The following LPXN variants were observed in gnomAD, a reference collection of about 807,000 sequenced individuals.
The protein encoded by LPXN is leupaxin.
A neutral mutation model predicts 45.6 loss-of-function variants in LPXN; 28 were observed. That is an observed-to-expected ratio of 0.61 (90% CI 0.45 to 0.84). The LOEUF (loss-of-function observed/expected upper bound fraction) is 0.84, where lower values mean the gene tolerates loss of function less well. LPXN is among the 40% of genes least tolerant of loss of function. The pLI is 0.00. For missense variants in LPXN, 459 were observed against 475.0 expected, an observed-to-expected ratio of 0.97 and a Z score of 0.31; for synonymous variants, 166 against 169.9, an observed-to-expected ratio of 0.98 and a Z score of 0.18.
upstream of LPXN, among the ~76,000 whole-genome samples, chr11:58,578,761 G>A (rs932075167): frequency 5.3e-5 from 8 of 152,048 alleles, no homozygotes; most frequent in African/African-American, 1.9e-4. Context: ...GTGAGGCGGG[G>A]AAAGAGGTGC....
At chr11:58,532,652 T>C (rs1020413221) in intron 7 of LPXN, among the ~76,000 whole-genome samples, 1 of 152,118 alleles carries the variant, frequency 6.6e-6, no homozygotes, top group Admixed American at 6.5e-5. Flanking sequence ...AGCTCAGGGA[T>C]TGTAAATGCA....
intron 4 of LPXN, among the ~76,000 whole-genome samples, chr11:58,552,608 G>C (rs1424147267): frequency 6.6e-6 from 1 of 152,158 alleles, no homozygotes; most frequent in Non-Finnish European, 1.5e-5. Context: ...ATCTGTTACT[G>C]TCTGCCTTAA....
chr11:58,558,719 A>G (rs867220116), intron 3 of LPXN, among the ~76,000 whole-genome samples: 3 of 152,002 alleles, frequency 2.0e-5, no homozygotes, highest in Admixed American at 6.6e-5. Flanking sequence ...CTCAAAGAAT[A>G]ACAACCTATT....
chr11:58,561,798 T>C (rs1854386221), intron 3 of LPXN, among the ~76,000 whole-genome samples: 2 of 152,198 alleles, frequency 1.3e-5, no homozygotes, highest in African/African-American at 2.4e-5. Context: ...GAAAGGGAAA[T>C]AGATCATTGT....
intron 4 of LPXN, among the ~76,000 whole-genome samples, chr11:58,553,257 AC>A (rs1318282110): frequency 1.3e-5 from 2 of 148,496 alleles, no homozygotes; most frequent in African/African-American, 5.0e-5. Flanking sequence ...AATCGCTTGA[AC>A]CCAGGAGGTG....
At chr11:58,534,886 A>T (rs1240504251) in intron 7 of LPXN, among the ~76,000 whole-genome samples, 1 of 152,240 alleles carries the variant, frequency 6.6e-6, no homozygotes, top group Non-Finnish European at 1.5e-5. Flanking sequence ...AGAATACTGT[A>T]AACACCTCTA....
chr11:58,533,958 C>CAACAGGAAG lies in LPXN; in HGVS notation c.743-5776_743-5768dup, dbSNP rs546968526. The stretch of plus-strand genomic sequence containing the variant: ...TTACATAATGGTAAAGGGATTAATG[C>CAACAGGAAG]AACAGGAAGAACTAACTATCCTAAT... On this transcript the variant is annotated intron_variant, in intron 7 of 8. Transcript: ENST00000395074. Among the ~76,000 whole-genome samples, 52 of 152,194 alleles carry CAACAGGAAG rather than the reference C, an allele frequency of 3.4e-4. No homozygotes were observed. In the East Asian group the frequency reaches 9.8e-3, roughly 29 times the overall value.
intron 2 of LPXN, 73 bp downstream of exon 2, chr11:58,570,483 T>C (rs1046874895): frequency 4.5e-6 from 5 of 1,119,696 alleles, no homozygotes; most frequent in Non-Finnish European, 6.5e-6. Context: ...TATTATTTTA[T>C]GTGGGATTCT....
chr11:58,535,216 A>G (rs774791886), intron 7 of LPXN, among the ~76,000 whole-genome samples: 6 of 152,186 alleles, frequency 3.9e-5, no homozygotes, highest in Non-Finnish European at 8.8e-5. Flanking sequence ...GAGACACAAC[A>G]AAAAAAGAAA....
intron 7 of LPXN, among the ~76,000 whole-genome samples, chr11:58,529,375 C>T (rs949146037): frequency 6.6e-6 from 1 of 151,992 alleles, no homozygotes; most frequent in Admixed American, 6.6e-5. Context: ...CTTTGGGAGG[C>T]CGAGGCGGGT....
At chr11:58,571,346 T>A (rs201477221) in intron 1 of LPXN, among the ~76,000 whole-genome samples, 2 of 23,572 alleles carry the variant, frequency 8.5e-5, no homozygotes, top group Admixed American at 8.2e-4. Context: ...TCTCAAAAAA[T>A]AAATAAATAA....
upstream of LPXN, chr11:58,578,015 ACACCGG>A (rs1854959000): frequency 6.4e-7 from 1 of 1,550,986 alleles, no homozygotes; most frequent in East Asian, 2.4e-5. Context: ...AGTGACTCAC[ACACCGG>A]AAGACGAGAT....
At chr11:58,532,226 C>A (rs1853412203) in intron 7 of LPXN, among the ~76,000 whole-genome samples, 1 of 152,334 alleles carries the variant, frequency 6.6e-6, no homozygotes, top group South Asian at 2.1e-4. Flanking sequence ...TGCCCGAGAC[C>A]CCCACAGTGG....
chr11:58,563,616 T>C (rs1233516116), intron 3 of LPXN, among the ~76,000 whole-genome samples: 2 of 152,256 alleles, frequency 1.3e-5, no homozygotes, highest in Non-Finnish European at 2.9e-5. Flanking sequence ...AATTCTGCTT[T>C]AGCCAGGAGA....
chr11:58,564,334 C>T (rs1854466336), intron 2 of LPXN, 133 bp from the exon 3 acceptor site: 3 of 653,046 alleles, frequency 4.6e-6, no homozygotes, highest in Non-Finnish European at 8.1e-6. Flanking sequence ...TATCTATGAG[C>T]TCTTCTTTCA....
intron 1 of LPXN, among the ~76,000 whole-genome samples, chr11:58,573,296 G>A (rs1854771254): frequency 6.6e-6 from 1 of 151,048 alleles, no homozygotes; most frequent in Non-Finnish European, 1.5e-5. Context: ...AGAAAACTAA[G>A]GTAGAAAAAG....
At chr11:58,540,298 A>C (rs975092413) in intron 7 of LPXN, among the ~76,000 whole-genome samples, 4 of 152,158 alleles carry the variant, frequency 2.6e-5, no homozygotes, top group Non-Finnish European at 4.4e-5. Context: ...CTAATAATAG[A>C]ATTTTTTAAA....
At chr11:58,550,951 T>A (rs1854029994) in intron 5 of LPXN, 114 bp downstream of exon 5, 1 of 973,620 alleles carries the variant, frequency 1.0e-6, no homozygotes, top group Admixed American at 3.4e-5. Context: ...TGTAAGTGAT[T>A]AGTAATTATT....
chr11:58,527,975 A>G, intron 8 of LPXN, 68 bp downstream of exon 8: 1 of 1,534,440 alleles, frequency 6.5e-7, no homozygotes, highest in South Asian at 1.2e-5. Context: ...CACTAACTGC[A>G]GCTCTTCCTC....
Sources: gnomAD v4.1 joint callset for allele counts (sites outside exome capture counted in the v4.1 genomes callset) on GRCh38, gnomAD v4.1.1 for gene constraint, MANE v1.5 for transcripts, NCBI Gene and HGNC (gene_info 2026-07-23, HGNC 2026-07-21) for gene names.